The following PEX5L variants were observed in gnomAD, a reference collection of about 807,000 sequenced individuals.
PEX5L encodes the protein PEX5-related protein.
PEX5L carries 30 observed loss-of-function variants against 84.0 expected under a neutral mutation model. The ratio of observed to expected loss-of-function variants is 0.36; its 90% CI spans 0.27 to 0.48. The LOEUF (loss-of-function observed/expected upper bound fraction) is 0.48, where lower values mean the gene tolerates loss of function less well. Among genes scored for constraint, PEX5L ranks in the 20% least tolerant of loss-of-function variants. The pLI is 0.99. For missense variants in PEX5L, 533 were observed against 754.6 expected (o/e 0.71, Z 3.44); for synonymous variants, 270 against 283.1 (o/e 0.95, Z 0.46).
intron 1 of PEX5L, among the ~76,000 whole-genome samples, chr3:180,007,704 T>A (rs958829871): frequency 2.6e-5 from 4 of 152,240 alleles, no homozygotes; most frequent in African/African-American, 9.6e-5. Context: ...TTTGTGCACC[T>A]GCAGGCTAAA....
Position 179,807,742 on chromosome 3 carries a change from C to G in PEX5L, c.1608G>C (p.Glu536Asp). ...TGGACCGGATGAATCCTGGCTGAAT[C>G]TCCAGTGCTCGCGTATAGGCCTCCA... ...EAVEAYTRAL[E>D]IQPGFIRSRY... The change falls in exon 14 of 15, where the codon GAG becomes GAC. Residue 536 changes from glutamate to aspartate, a missense_variant. By Grantham distance (45) the Glu-to-Asp change is conservative. Coordinates refer to ENST00000467460, the MANE Select transcript of PEX5L (RefSeq NM_016559.3). 2 of 1,614,188 alleles carry G rather than the reference C, an allele frequency of 1.2e-6. No individual in the cohort carries two copies. The highest frequency in any genetic ancestry group is 1.7e-6 in the Non-Finnish European group (2 of 1,180,012).
intron 7 of PEX5L, among the ~76,000 whole-genome samples, chr3:179,866,967 C>T (rs1478150783): frequency 3.5e-5 from 5 of 144,144 alleles, no homozygotes; most frequent in Non-Finnish European, 6.0e-5. Context: ...CAGATGTTGC[C>T]GTGAGTCGAG....
intron 1 of PEX5L, 114 bp downstream of exon 1, chr3:180,036,465 C>T: frequency 2.0e-6 from 2 of 982,832 alleles, no homozygotes; most frequent in South Asian, 2.6e-5. Context: ...CATGTTGCAT[C>T]ACTTCACTTG....
At chr3:179,950,432 C>T (rs1366396387) in intron 2 of PEX5L, among the ~76,000 whole-genome samples, 1 of 152,064 alleles carries the variant, frequency 6.6e-6, no homozygotes, top group African/African-American at 2.4e-5. Flanking sequence ...TTAACGGGTG[C>T]AGCACACCAA....
At chr3:180,026,131 TTC>T (rs555791345) in intron 1 of PEX5L, among the ~76,000 whole-genome samples, 32 of 122,788 alleles carry the variant, frequency 2.6e-4, no homozygotes, top group African/African-American at 1.0e-3. Context: ...CCTTTCAGCA[TTC>T]TTTTTTTTTT....
chr3:179,903,519 C>A (rs1762132017), intron 2 of PEX5L, among the ~76,000 whole-genome samples: 1 of 152,132 alleles, frequency 6.6e-6, no homozygotes, highest in African/African-American at 2.4e-5. Context: ...TGTGAGTCAC[C>A]ATACCTGGCA....
Position 179,898,133 on chromosome 3 carries a change from T to G in PEX5L, c.198+9A>C. The G allele has an allele frequency of 6.4e-7, 1 of 1,564,042 alleles. No individual in the cohort carries two copies. Among genetic ancestry groups the G allele is most frequent in the African/African-American group, 1.4e-5 (1 of 74,042 alleles). On this transcript the variant is annotated intron_variant, in intron 3 of 14. Coordinates refer to ENST00000467460, the MANE Select transcript of PEX5L (RefSeq NM_016559.3). ...CAGCTTCCTACAGAAACCCTATGGG[T>G]CTGCCCACCTGTGATGTCATAGTAA...
At chr3:179,853,092 G>A (rs1004720519) in intron 8 of PEX5L, among the ~76,000 whole-genome samples, 7 of 152,164 alleles carry the variant, frequency 4.6e-5, no homozygotes, top group African/African-American at 9.7e-5. Context: ...ATGGGAGATC[G>A]ACATGAAACC....
At position 179,898,188 on chromosome 3, in the gene PEX5L, C is replaced by T; in HGVS notation, c.152G>A (p.Arg51Lys). The change falls in exon 3 of 15, where the codon AGG becomes AAG. Residue 51 changes from arginine to lysine, a missense_variant. Arg to Lys is a conservative substitution (Grantham distance 26). Around this residue, in one of 8 missense-constraint regions of PEX5L, gnomAD observed 259 missense variants for 301.7 expected, o/e 0.86. Coordinates refer to ENST00000467460, the MANE Select transcript of PEX5L (RefSeq NM_016559.3). ...GGGCTTTTCTTCAGCAGACTCCTCC[C>T]TCGGTATCTCCTTCATCACCATGGC... ...AVAMVMKEIP[R>K]EESAEEKPLL... 6.2e-7 allele frequency: 1 copy of T among 1,613,612 alleles called. No homozygotes were observed. The highest frequency in any genetic ancestry group is 1.3e-5 in the African/African-American group (1 of 75,010).
intron 2 of PEX5L, among the ~76,000 whole-genome samples, chr3:179,912,156 T>C (rs1034429428): frequency 2.4e-4 from 36 of 152,148 alleles, no homozygotes; most frequent in African/African-American, 8.0e-4. Flanking sequence ...AATATGCCCA[T>C]ACTCTGTGTC....
chr3:179,980,359 T>C (rs966578973), intron 1 of PEX5L, among the ~76,000 whole-genome samples: 3 of 152,168 alleles, frequency 2.0e-5, no homozygotes, highest in Admixed American at 6.5e-5. Context: ...AGTCATGACA[T>C]CTTAGAATAA....
At chr3:179,925,855 T>C (rs1026924779) in intron 2 of PEX5L, among the ~76,000 whole-genome samples, 1 of 152,148 alleles carries the variant, frequency 6.6e-6, no homozygotes, top group African/African-American at 2.4e-5. Context: ...AACATACAAG[T>C]GCAGGTAAAA....
chr3:179,901,608 C>G (rs1381406612), intron 2 of PEX5L, among the ~76,000 whole-genome samples: 1 of 152,144 alleles, frequency 6.6e-6, no homozygotes, highest in Admixed American at 6.6e-5. Flanking sequence ...ATCACTTTTT[C>G]CCACTTCCTG....
At chr3:179,987,027 G>T (rs1786917943) in intron 1 of PEX5L, among the ~76,000 whole-genome samples, 1 of 152,048 alleles carries the variant, frequency 6.6e-6, no homozygotes, top group Non-Finnish European at 1.5e-5. Context: ...TCAAAGCCAG[G>T]TCTGCTATGT....
At chr3:179,973,901 C>G in intron 1 of PEX5L, 1 of 985,456 alleles carries the variant, frequency 1.0e-6, no homozygotes, top group Non-Finnish European at 1.2e-6. Flanking sequence ...CACAACAGTA[C>G]ACAAAGCTGG....
chr3:179,796,989 T>A lies in PEX5L; in HGVS notation c.*4839A>T, dbSNP rs1006834445. The A allele has an allele frequency of 1.3e-5, 2 of 152,222 alleles. No individual in the cohort carries two copies. The highest frequency in any genetic ancestry group is 6.5e-5 in the Admixed American group (1 of 15,274). 9.4% of individuals were successfully genotyped at this position (152,222 alleles called of 1,614,324 possible). On this transcript the variant is annotated 3_prime_UTR_variant, in exon 15 of 15. Coordinates refer to ENST00000467460, the MANE Select transcript of PEX5L (RefSeq NM_016559.3). Reference sequence around the variant, plus strand: ...GTGATGATTTTGATGTGCCTGACATTACCCCAACCTCCTCGCCTTATTTAG... The same window carrying A: ...GTGATGATTTTGATGTGCCTGACATAACCCCAACCTCCTCGCCTTATTTAG...
At chr3:180,026,133 CTTTTTTTTTT>C (rs368852075) in intron 1 of PEX5L, among the ~76,000 whole-genome samples, 2 of 101,762 alleles carry the variant, frequency 2.0e-5, no homozygotes, top group Admixed American at 2.1e-4. Flanking sequence ...TTTCAGCATT[CTTTTTTTTTT>C]TTTTTTTTTT....
rs1718247070 is a variant in PEX5L, at chr3:179,799,566, G to A, written c.*2262C>T. On this transcript the variant is annotated 3_prime_UTR_variant, in exon 15 of 15. Transcript: ENST00000467460. ...GCTTTAAATCCAGGCTGCAGATTCA[G>A]CTGCTGCTCAAAGTATAGAATGGCA... The A allele has an allele frequency of 6.6e-6, 1 of 152,206 alleles. No individual in the cohort carries two copies. 9.4% of individuals were successfully genotyped at this position (152,206 alleles called of 1,614,324 possible). A position where few individuals can be genotyped will look rare whatever the true frequency, so the allele number is the denominator to read the frequency against.
intron 2 of PEX5L, among the ~76,000 whole-genome samples, chr3:179,955,512 C>T (rs1305678694): frequency 7.1e-6 from 1 of 140,754 alleles, no homozygotes; most frequent in Non-Finnish European, 1.5e-5. Context: ...AAAGAAGGCA[C>T]AGGTGTTAAC....
Sources: gnomAD v4.1 joint callset for allele counts (sites outside exome capture counted in the v4.1 genomes callset) on GRCh38, gnomAD v4.1.1 for gene constraint, gnomAD v4.1.1 regional missense constraint, MANE v1.5 for transcripts, NCBI Gene and HGNC (gene_info 2026-07-23, HGNC 2026-07-21) for gene names.